The following LRRTM4 variants were observed in gnomAD, a reference collection of about 807,000 sequenced individuals.
LRRTM4 encodes leucine-rich repeat transmembrane neuronal protein 4.
In LRRTM4, 25 loss-of-function variants were observed where a neutral mutation model predicts 47.6. That is an observed-to-expected ratio of 0.53 (90% CI 0.38 to 0.73). The LOEUF is 0.73. Among genes scored for constraint, LRRTM4 ranks in the 30% least tolerant of loss-of-function variants. The pLI is 0.00. For synonymous variants in LRRTM4, 311 were observed against 269.5 expected, an observed-to-expected ratio of 1.15 and a Z score of -1.51; for missense variants, 638 against 713.4, an observed-to-expected ratio of 0.89 and a Z score of 1.20.
At chr2:77,328,501 A>T (rs896686944) in intron 3 of LRRTM4, among the ~76,000 whole-genome samples, 2 of 152,124 alleles carry the variant, frequency 1.3e-5, no homozygotes, top group Non-Finnish European at 2.9e-5. Flanking sequence ...TCATTGTCTC[A>T]TCCTCATCCT....
intron 3 of LRRTM4, among the ~76,000 whole-genome samples, chr2:77,193,008 A>T (rs370250499): frequency 2.0e-5 from 3 of 152,322 alleles, no homozygotes; most frequent in Admixed American, 6.5e-5. Context: ...GAAAAATCAC[A>T]TATCTAATGG....
At chr2:77,031,173 C>G (rs964547759) in intron 3 of LRRTM4, among the ~76,000 whole-genome samples, 1 of 151,976 alleles carries the variant, frequency 6.6e-6, no homozygotes, top group African/African-American at 2.4e-5. Context: ...TCTACATTTG[C>G]CATTTATTTT....
At chr2:77,048,167 T>C (rs1679297019) in intron 3 of LRRTM4, among the ~76,000 whole-genome samples, 2 of 152,198 alleles carry the variant, frequency 1.3e-5, no homozygotes, top group South Asian at 4.2e-4. Context: ...CATGTGCTTC[T>C]GCTTATACAC....
At chr2:77,093,848 T>C (rs369721460) in intron 3 of LRRTM4, among the ~76,000 whole-genome samples, 2,160 of 151,942 alleles carry the variant, frequency 0.014, 78 homozygotes, top group African/African-American at 0.049. Context: ...AGTGATGACA[T>C]TACCTTGTGA....
chr2:77,078,585 C>T (rs2103849063), intron 3 of LRRTM4, among the ~76,000 whole-genome samples: 1 of 152,212 alleles, frequency 6.6e-6, no homozygotes, highest in African/African-American at 2.4e-5. Flanking sequence ...GATAAGCTGT[C>T]ATGATTTATG....
At chr2:77,026,443 T>G (rs761759451) in intron 3 of LRRTM4, among the ~76,000 whole-genome samples, 1 of 151,998 alleles carries the variant, frequency 6.6e-6, no homozygotes, top group African/African-American at 2.4e-5. Context: ...ATCATGGGAG[T>G]GGTTGTCTCA....
intron 3 of LRRTM4, among the ~76,000 whole-genome samples, chr2:77,200,794 A>G (rs1310597864): frequency 6.6e-6 from 1 of 152,158 alleles, no homozygotes; most frequent in African/African-American, 2.4e-5. Flanking sequence ...ATAATTTAAT[A>G]TGATGACTGT....
chr2:77,121,873 C>T (rs140932106), intron 3 of LRRTM4, among the ~76,000 whole-genome samples: 132 of 151,874 alleles, frequency 8.7e-4, no homozygotes, highest in African/African-American at 3.1e-3. Flanking sequence ...GTGGGATCTT[C>T]AAGTGTAATA....
At chr2:77,179,234 TATAAGCAGA>T (rs1673283257) in intron 3 of LRRTM4, among the ~76,000 whole-genome samples, 1 of 152,176 alleles carries the variant, frequency 6.6e-6, no homozygotes, top group African/African-American at 2.4e-5. Context: ...CTTACTATTT[TATAAGCAGA>T]ATTAACACGT....
chr2:76,975,508 C>T (rs1299470701), intron 3 of LRRTM4, among the ~76,000 whole-genome samples: 2 of 151,530 alleles, frequency 1.3e-5, no homozygotes, highest in African/African-American at 4.8e-5. Flanking sequence ...ATACCACGTT[C>T]TGGCAAAATA....
At chr2:77,013,581 G>A (rs923332409) in intron 3 of LRRTM4, among the ~76,000 whole-genome samples, 2 of 151,782 alleles carry the variant, frequency 1.3e-5, no homozygotes, top group East Asian at 3.9e-4. Flanking sequence ...CAAAACAATT[G>A]ACAGCCTAGG....
chr2:76,945,319 A>G (rs1274124448), intron 3 of LRRTM4, among the ~76,000 whole-genome samples: 1 of 152,054 alleles, frequency 6.6e-6, no homozygotes, highest in Non-Finnish European at 1.5e-5. Context: ...TTCAATGTAT[A>G]TTTATCGGTC....
intron 3 of LRRTM4, among the ~76,000 whole-genome samples, chr2:77,334,136 G>A (rs1671074715): frequency 6.6e-6 from 1 of 152,152 alleles, no homozygotes; most frequent in Non-Finnish European, 1.5e-5. Context: ...TTGTATCTAG[G>A]AAGTAACTAA....
intron 3 of LRRTM4, among the ~76,000 whole-genome samples, chr2:77,092,531 A>T (rs1330448486): frequency 7.1e-6 from 1 of 140,612 alleles, no homozygotes; most frequent in Non-Finnish European, 1.5e-5. Flanking sequence ...CTCCTCAGGG[A>T]TTATTCAGGC....
chr2:76,911,939 G>GTT lies in LRRTM4; in HGVS notation c.1552-163024_1552-163023insAA, dbSNP rs1227149643. 8.2e-4 allele frequency among the ~76,000 whole-genome samples: 83 copies of GTT among 101,662 alleles called. 2 individuals carry two copies. Among genetic ancestry groups the GTT allele is most frequent in the African/African-American group, 2.1e-3 (68 of 31,978 alleles). The allele number at this position is 101,662 out of a possible 152,430, so 66.7% of individuals were successfully genotyped here. ...TGAGTTGTGGTATGTGCTTTTTGGG[G>GTT]GGGGGGGGGGGACAGAGTCTCGCTC... is the stretch of plus-strand genomic sequence containing the variant. On this transcript the variant is annotated intron_variant, in intron 3 of 3. Coordinates refer to ENST00000409884, the MANE Select transcript of LRRTM4 (RefSeq NM_001134745.3).
At chr2:76,950,210 A>G (rs1675451887) in intron 3 of LRRTM4, among the ~76,000 whole-genome samples, 1 of 152,000 alleles carries the variant, frequency 6.6e-6, no homozygotes. Context: ...AACAAGAGCA[A>G]CCACCAGTTC....
chr2:76,923,074 T>G (rs1674481750), intron 3 of LRRTM4, among the ~76,000 whole-genome samples: 1 of 152,160 alleles, frequency 6.6e-6, no homozygotes, highest in Non-Finnish European at 1.5e-5. Context: ...CTAAGTATGA[T>G]CTGATATATT....
intron 3 of LRRTM4, among the ~76,000 whole-genome samples, chr2:77,372,268 A>T (rs1190192198): frequency 6.6e-6 from 1 of 151,778 alleles, no homozygotes; most frequent in Non-Finnish European, 1.5e-5. Context: ...TGAAAAGATA[A>T]TGTAGGACAA....
rs565004202 is a variant in LRRTM4, at chr2:76,908,842, G to A, written c.1552-159926C>T. On this transcript the variant is annotated intron_variant, in intron 3 of 3. Transcript: ENST00000409884. ...CAAACCACTGCTCAAGGAAATAAAAGAGGATACAAACAAATGGAAGAACAT... is the reference window on the plus strand; with the variant it reads ...CAAACCACTGCTCAAGGAAATAAAAAAGGATACAAACAAATGGAAGAACAT... 2.2e-3 allele frequency among the ~76,000 whole-genome samples: 341 copies of A among 152,208 alleles called. 1 individual carries two copies. The highest frequency in any genetic ancestry group is 8.0e-3 in the African/African-American group (330 of 41,496).
Sources: allele counts gnomAD v4.1 joint callset (sites outside exome capture counted in the v4.1 genomes callset), GRCh38; gene constraint gnomAD v4.1.1; transcripts MANE v1.5; gene names NCBI Gene and HGNC (gene_info 2026-07-23, HGNC 2026-07-21).